Variants in CACNA1D observed in about 807,000 individuals in gnomAD.
CACNA1D encodes calcium voltage-gated channel subunit alpha1 D, also known as voltage-dependent L-type calcium channel subunit alpha-1D.
A neutral mutation model predicts 257.1 loss-of-function variants in CACNA1D; 55 were observed. The ratio of observed to expected loss-of-function variants is 0.21; its 90% CI spans 0.17 to 0.27. The LOEUF (loss-of-function observed/expected upper bound fraction) is 0.27, where lower values mean the gene tolerates loss of function less well. Among genes scored for constraint, CACNA1D ranks in the 10% least tolerant of loss-of-function variants. The pLI, the probability that CACNA1D is intolerant of heterozygous loss-of-function variation, is 1.00. For synonymous variants in CACNA1D, 980 were observed against 1,014.9 expected (o/e 0.97, Z 0.65); for missense variants, 1,876 against 2,784.0 (o/e 0.67, Z 7.34).
intron 21 of CACNA1D, among the ~76,000 whole-genome samples, chr3:53,740,782 T>C: frequency 6.6e-6 from 1 of 152,198 alleles, no homozygotes; most frequent in Non-Finnish European, 1.5e-5. Context: ...ATAACACATA[T>C]ATCTCTATGT....
chr3:53,719,800 T>A lies in CACNA1D; in HGVS notation c.1505+19T>A. 4 of 1,610,822 alleles carry A rather than the reference T, an allele frequency of 2.5e-6. No homozygotes were observed. The highest frequency in any genetic ancestry group is 3.4e-6 in the Non-Finnish European group (4 of 1,176,902). The stretch of plus-strand genomic sequence containing the variant: ...AACTCAGGTCAGTATCTTCTTTCTG[T>A]TTCTTCGTCAGCCTGTGTGTTGCCT... On this transcript the variant is annotated intron_variant, in intron 11 of 47. Transcript: ENST00000350061.
At chr3:53,703,660 A>C in intron 9 of CACNA1D, among the ~76,000 whole-genome samples, 1 of 152,240 alleles carries the variant, frequency 6.6e-6, no homozygotes, top group South Asian at 2.1e-4. Flanking sequence ...TCAAGTGCAC[A>C]TGTCCATTGA....
intron 3 of CACNA1D, among the ~76,000 whole-genome samples, chr3:53,570,409 T>C: frequency 6.6e-6 from 1 of 152,248 alleles, no homozygotes; most frequent in African/African-American, 2.4e-5. Flanking sequence ...GCTCCAGAGA[T>C]ACTTAACTGA....
intron 8 of CACNA1D, among the ~76,000 whole-genome samples, chr3:53,682,982 CAGTTTT>C (rs2094446180): frequency 6.6e-6 from 1 of 152,140 alleles, no homozygotes. Context: ...TGCCTGGAGA[CAGTTTT>C]AGAATTATGG....
chr3:53,719,744 CTT>C lies in CACNA1D; in HGVS notation c.1479-9_1479-8del, dbSNP rs1359675010. On this transcript the variant is annotated splice_polypyrimidine_tract_variant and intron_variant, in intron 10 of 47. Coordinates refer to ENST00000350061, the MANE Select transcript of CACNA1D (RefSeq NM_001128840.3). ...GAACCAGAATCTTAACACTTTTTGT[CTT>C]TCTTTCAGTCAAGCCATCTCAAAAT... The C allele has an allele frequency of 6.2e-7, 1 of 1,613,276 alleles. No homozygotes were observed. The highest frequency in any genetic ancestry group is 8.5e-7 in the Non-Finnish European group (1 of 1,179,300).
chr3:53,680,943 C>G (rs1208005973), intron 8 of CACNA1D, among the ~76,000 whole-genome samples: 1 of 151,480 alleles, frequency 6.6e-6, no homozygotes, highest in Non-Finnish European at 1.5e-5. Context: ...GTAGGGAACT[C>G]TTCCTTGTTA....
intron 8 of CACNA1D, among the ~76,000 whole-genome samples, chr3:53,694,653 A>G (rs1419518694): frequency 2.0e-5 from 3 of 152,194 alleles, no homozygotes; most frequent in Non-Finnish European, 1.5e-5. Context: ...CCCAGGGGGC[A>G]GTGAATGTAA....
intron 45 of CACNA1D, among the ~76,000 whole-genome samples, chr3:53,807,094 A>T (rs2095570227): frequency 6.6e-6 from 1 of 152,238 alleles, no homozygotes; most frequent in South Asian, 2.1e-4. Context: ...CTGTGTTCTC[A>T]GCTGCAGGGG....
In CACNA1D at chr3:53,722,428, T is replaced by G; in HGVS notation, c.1620T>G (p.Ile540Met). 6.2e-7 allele frequency: 1 copy of G among 1,614,172 alleles called. No homozygotes were observed. The highest frequency in any genetic ancestry group is 8.5e-7 in the Non-Finnish European group (1 of 1,180,040). The part of the protein sequence containing the change: ...IVLVFLNTLT[I>M]SSEHYNQPDW... ...TGGTGTTTCTGAACACCTTAACCAT[T>G]TCCTCTGAGCACTACAATCAGCCAG... The change falls in exon 12 of 48, where the codon ATT becomes ATG. Residue 540 changes from isoleucine to methionine, a missense_variant. By Grantham distance (10) the Ile-to-Met change is conservative. This residue lies in a region of CACNA1D where 257 missense variants were observed against 399.7 expected (regional missense o/e 0.64). Coordinates refer to ENST00000350061, the MANE Select transcript of CACNA1D (RefSeq NM_001128840.3).
intron 3 of CACNA1D, among the ~76,000 whole-genome samples, chr3:53,540,669 A>G (rs2092274285): frequency 6.6e-6 from 1 of 152,118 alleles, no homozygotes; most frequent in Non-Finnish European, 1.5e-5. Flanking sequence ...TTTCACATAC[A>G]ATTTTATTCT....
At chr3:53,555,629 A>G (rs1042200866) in intron 3 of CACNA1D, among the ~76,000 whole-genome samples, 1 of 151,474 alleles carries the variant, frequency 6.6e-6, no homozygotes, top group African/African-American at 2.4e-5. Context: ...ATCATTCTCA[A>G]TCATGGTCCA....
In CACNA1D at chr3:53,757,845, C is replaced by T. The variant is rs528059889; in HGVS notation, c.3787-4153C>T. The stretch of plus-strand genomic sequence containing the variant: ...ATGTTATCTTCTCTGAGACAGCATC[C>T]TCACCCCAGCCAGAGCCAGCCCTGT... On this transcript the variant is annotated intron_variant, in intron 29 of 47. Transcript: ENST00000350061. Among the ~76,000 whole-genome samples, 9 of 152,336 alleles carry T rather than the reference C, an allele frequency of 5.9e-5. No homozygotes were observed. The East Asian group carries it at 1.7e-3, about 29-fold the overall frequency.
Position 53,741,362 on chromosome 3 carries a change from T to C in CACNA1D, c.2811+1023T>C, listed in dbSNP as rs548301389. On this transcript the variant is annotated intron_variant, in intron 21 of 47. Coordinates refer to ENST00000350061, the MANE Select transcript of CACNA1D (RefSeq NM_001128840.3). ...TGTGTGCAATTCAGGCAAAATGTAT[T>C]TTGCATCGGACTACTGTGGAACTTG... Among the ~76,000 whole-genome samples the C allele has an allele frequency of 3.3e-5, 5 of 152,326 alleles. 1 individual carries two copies. In the South Asian group the frequency reaches 1.0e-3, roughly 32 times the overall value.
intron 3 of CACNA1D, among the ~76,000 whole-genome samples, chr3:53,550,127 G>A (rs1475577325): frequency 6.6e-6 from 1 of 152,182 alleles, no homozygotes. Flanking sequence ...CCATGGAAAG[G>A]ACTGATGGGA....
In CACNA1D at chr3:53,567,021, T is replaced by C. The variant is rs139203064; in HGVS notation, c.483+65301T>C. On this transcript the variant is annotated intron_variant, in intron 3 of 47. Transcript: ENST00000350061. ...GGGAGCAGCAGATTAGGCAGCACTG[T>C]AATTCCTTAAGCAAACTCCTGGCCC... Among the ~76,000 whole-genome samples, 631 of 152,338 alleles carry C rather than the reference T, an allele frequency of 4.1e-3. 5 individuals are homozygous for C. The highest frequency in any genetic ancestry group is 0.015 in the African/African-American group (605 of 41,580).
chr3:53,530,664 G>A (rs1260391116), intron 3 of CACNA1D, among the ~76,000 whole-genome samples: 1 of 152,076 alleles, frequency 6.6e-6, no homozygotes, highest in Non-Finnish European at 1.5e-5. Flanking sequence ...GGTGTTGCAC[G>A]GTGCCCATGG....
Position 53,673,613 on chromosome 3 carries a change from A to G in CACNA1D, c.1220+487A>G. 1 of 868,838 alleles carries G rather than the reference A, an allele frequency of 1.2e-6. No individual in the cohort carries two copies. Among genetic ancestry groups the G allele is most frequent in the East Asian group, 2.4e-5 (1 of 41,110 alleles). The allele number at this position is 868,838 out of a possible 1,614,324, so 53.8% of individuals were successfully genotyped here. On this transcript the variant is annotated intron_variant, in intron 8 of 47. Transcript: ENST00000350061. The surrounding 1 kb of genome is among the most constrained non-coding windows in gnomAD (Gnocchi z 4.1). The stretch of plus-strand genomic sequence containing the variant: ...TAGGCCCAGTCCCTGTCCTAGGAGC[A>G]CTAACCTTCAGCAAAGCACTGAGAG...
intron 4 of CACNA1D, 61 bp downstream of exon 4, chr3:53,650,979 G>C (rs187796549): frequency 3.8e-5 from 54 of 1,427,520 alleles, no homozygotes; most frequent in East Asian, 4.6e-5. Flanking sequence ...AGGTTGGGGG[G>C]GGTGGTGGTA....
chr3:53,507,072 C>CAAAAAA (rs781421977), intron 3 of CACNA1D, among the ~76,000 whole-genome samples: 14 of 56,656 alleles, frequency 2.5e-4, no homozygotes, highest in Non-Finnish European at 4.4e-4. Context: ...GACTCTATCT[C>CAAAAAA]AAAAAAAAAA....
Sources: gnomAD v4.1 joint callset for allele counts (sites outside exome capture counted in the v4.1 genomes callset) on GRCh38, gnomAD v4.1.1 for gene constraint, gnomAD v4.1.1 regional missense constraint, Gnocchi (gnomAD v3.1) non-coding constraint, MANE v1.5 for transcripts, NCBI Gene and HGNC (gene_info 2026-07-23, HGNC 2026-07-21) for gene names.